LRFN2: variants seen among roughly 807,000 people sequenced by gnomAD.
LRFN2 encodes leucine-rich repeat and fibronectin type-III domain-containing protein 2.
In LRFN2, 18 loss-of-function variants were observed where a neutral mutation model predicts 37.3. The observed-to-expected ratio is 0.48, with a 90% CI of 0.33 to 0.72. The LOEUF is 0.72. Among genes scored for constraint, LRFN2 ranks in the 30% least tolerant of loss-of-function variants. The pLI is 0.02. For synonymous variants in LRFN2, 556 were observed against 466.6 expected, an observed-to-expected ratio of 1.19 and a Z score of -2.47; for missense variants, 1,006 against 1,060.7, an observed-to-expected ratio of 0.95 and a Z score of 0.72.
chr6:40,512,676 G>T (rs1765746400), intron 1 of LRFN2, among the ~76,000 whole-genome samples: 1 of 152,114 alleles, frequency 6.6e-6, no homozygotes, highest in Non-Finnish European at 1.5e-5. Flanking sequence ...GATTCCTCCT[G>T]GGGGCCCACC....
chr6:40,533,200 C>T lies in LRFN2; in HGVS notation c.-19+53741G>A, dbSNP rs140903868. Among the ~76,000 whole-genome samples, 757 of 152,248 alleles carry T rather than the reference C, an allele frequency of 5.0e-3. 3 individuals are homozygous for T. Among genetic ancestry groups the T allele is most frequent in the Admixed American group, 6.3e-3 (96 of 15,286 alleles). On this transcript the variant is annotated intron_variant, in intron 1 of 2. Coordinates refer to ENST00000338305, the MANE Select transcript of LRFN2 (RefSeq NM_020737.3). ...TCTCTGTCTCTCTTTCTCTCTCTGT[C>T]TCTTTTTCTCTATCTCTTTAGTCTT...
At chr6:40,546,477 A>T (rs997316206) in intron 1 of LRFN2, among the ~76,000 whole-genome samples, 1 of 152,190 alleles carries the variant, frequency 6.6e-6, no homozygotes, top group Non-Finnish European at 1.5e-5. Context: ...GCTGGGCTCA[A>T]GTCCTAAACT....
chr6:40,398,212 G>C (rs1762655133), intron 2 of LRFN2, among the ~76,000 whole-genome samples: 1 of 151,760 alleles, frequency 6.6e-6, no homozygotes, highest in African/African-American at 2.4e-5. Context: ...CCACCCACCA[G>C]ATGCCAGAAC....
intron 1 of LRFN2, among the ~76,000 whole-genome samples, chr6:40,433,570 C>T (rs1763569314): frequency 6.6e-6 from 1 of 152,176 alleles, no homozygotes; most frequent in Non-Finnish European, 1.5e-5. Context: ...ATATCATTGG[C>T]TTATCCAATA....
intron 1 of LRFN2, among the ~76,000 whole-genome samples, chr6:40,550,179 C>A (rs1206495542): frequency 3.3e-5 from 5 of 151,990 alleles, no homozygotes; most frequent in African/African-American, 1.2e-4. Context: ...GCAAAGAGGA[C>A]CCCCTAGGAG....
chr6:40,475,370 T>C (rs1476196232), intron 1 of LRFN2, among the ~76,000 whole-genome samples: 1 of 152,056 alleles, frequency 6.6e-6, no homozygotes, highest in Non-Finnish European at 1.5e-5. Context: ...GGGATTCCAC[T>C]CCGTACTAGA....
chr6:40,419,130 G>A, intron 2 of LRFN2, among the ~76,000 whole-genome samples: 1 of 152,174 alleles, frequency 6.6e-6, no homozygotes, highest in East Asian at 1.9e-4. Flanking sequence ...CCCTCTAAGG[G>A]GGCTTTCTGC....
rs541944348 is a variant in LRFN2, at chr6:40,499,263, C to T, written c.-18-66132G>A. Among the ~76,000 whole-genome samples the T allele has an allele frequency of 2.6e-5, 4 of 152,302 alleles. No individual in the cohort carries two copies. In the South Asian group the frequency reaches 8.3e-4, roughly 32 times the overall value. On this transcript the variant is annotated intron_variant, in intron 1 of 2. Coordinates refer to ENST00000338305, the MANE Select transcript of LRFN2 (RefSeq NM_020737.3). ...CATCCTGGAGCCCCCATCTCCCCAGCCCTGATGATGCCGTTCAAGACATTT... is the reference window on the plus strand; with the variant it reads ...CATCCTGGAGCCCCCATCTCCCCAGTCCTGATGATGCCGTTCAAGACATTT...
intron 1 of LRFN2, among the ~76,000 whole-genome samples, chr6:40,579,118 C>A (rs901102302): frequency 4.0e-4 from 61 of 152,350 alleles, no homozygotes; most frequent in African/African-American, 1.4e-3. Flanking sequence ...CAAGCACAAT[C>A]CCTGCCAGCA....
chr6:40,473,338 G>A (rs1426229121), intron 1 of LRFN2, among the ~76,000 whole-genome samples: 8 of 152,180 alleles, frequency 5.3e-5, no homozygotes, highest in Non-Finnish European at 1.0e-4. Flanking sequence ...AGACTAGAAA[G>A]TGCCTCTGCT....
At chr6:40,556,698 C>T (rs1766892657) in intron 1 of LRFN2, among the ~76,000 whole-genome samples, 1 of 150,276 alleles carries the variant, frequency 6.7e-6, no homozygotes, top group Non-Finnish European at 1.5e-5. Context: ...CTTTGTTTCT[C>T]TCTCTCTTAC....
intron 1 of LRFN2, among the ~76,000 whole-genome samples, chr6:40,516,113 A>T (rs2113893240): frequency 6.6e-6 from 1 of 152,014 alleles, no homozygotes; most frequent in Admixed American, 6.6e-5. Flanking sequence ...TTCTGGGCCC[A>T]GCTCCCAAAT....
intron 1 of LRFN2, among the ~76,000 whole-genome samples, chr6:40,467,704 G>A (rs1484987722): frequency 2.0e-5 from 3 of 152,110 alleles, no homozygotes; most frequent in East Asian, 1.9e-4. Context: ...ACCTAGCCTC[G>A]GCCATGGGAG....
intron 2 of LRFN2, among the ~76,000 whole-genome samples, chr6:40,422,194 G>T (rs1763244038): frequency 6.6e-6 from 1 of 152,178 alleles, no homozygotes; most frequent in African/African-American, 2.4e-5. Context: ...TCCAATGTTA[G>T]ATGAAGCAAA....
chr6:40,543,232 G>T (rs572375558), intron 1 of LRFN2, among the ~76,000 whole-genome samples: 1 of 152,318 alleles, frequency 6.6e-6, no homozygotes, highest in South Asian at 2.1e-4. Flanking sequence ...AGTCCAGAGG[G>T]ATAATTGTCT....
At chr6:40,419,683 T>C (rs538398218) in intron 2 of LRFN2, among the ~76,000 whole-genome samples, 60 of 152,192 alleles carry the variant, frequency 3.9e-4, no homozygotes, top group Non-Finnish European at 7.2e-4. Flanking sequence ...TGCCTCTGTC[T>C]CTGTCTTCAT....
chr6:40,392,721 C>T lies in LRFN2; in HGVS notation c.1592G>A (p.Gly531Asp). Residue 531 changes from glycine to aspartate, a missense_variant, in exon 3 of 3, where the codon GGC (glycine) becomes GAC (aspartate). Coordinates refer to ENST00000338305, the MANE Select transcript of LRFN2 (RefSeq NM_020737.3). The surrounding 1 kb of genome is among the most constrained non-coding windows in gnomAD (Gnocchi z 4.7). Reference protein sequence around the residue: ...QCQSMHSQILGGTMILVIGGI... With the variant: ...QCQSMHSQILDGTMILVIGGI... ...CCCGATGACCAGGATCATGGTGCCGCCCAGAATCTGGCTGTGCATGGACTG... is the reference window on the plus strand; with the variant it reads ...CCCGATGACCAGGATCATGGTGCCGTCCAGAATCTGGCTGTGCATGGACTG... 6.2e-7 allele frequency: 1 copy of T among 1,613,980 alleles called. No homozygotes were observed. The highest frequency in any genetic ancestry group is 2.2e-5 in the East Asian group (1 of 44,888).
chr6:40,553,583 G>A (rs1236448886), intron 1 of LRFN2, among the ~76,000 whole-genome samples: 1 of 152,154 alleles, frequency 6.6e-6, no homozygotes, highest in African/African-American at 2.4e-5. Context: ...AGGAGGGCAA[G>A]GCCATTCTGC....
At chr6:40,397,112 G>T (rs1762632422) in intron 2 of LRFN2, among the ~76,000 whole-genome samples, 1 of 152,150 alleles carries the variant, frequency 6.6e-6, no homozygotes, top group Non-Finnish European at 1.5e-5. Context: ...GCATGAGAAA[G>T]CCACGTGAAA....
Sources: allele counts gnomAD v4.1 joint callset (sites outside exome capture counted in the v4.1 genomes callset), GRCh38; gene constraint gnomAD v4.1.1; non-coding constraint Gnocchi (gnomAD v3.1); transcripts MANE v1.5; gene names NCBI Gene and HGNC (gene_info 2026-07-23, HGNC 2026-07-21).